Variants in ANKRD6 observed in about 807,000 individuals in gnomAD.
ANKRD6 encodes ankyrin repeat domain-containing protein 6.
Under a neutral mutation model 82.3 loss-of-function variants are expected in ANKRD6, and 56 were observed. That is an observed-to-expected ratio of 0.68 (90% CI 0.55 to 0.85). The LOEUF (loss-of-function observed/expected upper bound fraction) is 0.85, where lower values mean the gene tolerates loss of function less well. Ranked by LOEUF, ANKRD6 falls within the 40% of genes least tolerant of loss-of-function variation. The pLI, the probability that ANKRD6 is intolerant of heterozygous loss-of-function variation, is 0.00. For missense variants in ANKRD6, 852 were observed against 907.6 expected, an observed-to-expected ratio of 0.94 and a Z score of 0.79; for synonymous variants, 347 against 352.1, an observed-to-expected ratio of 0.99 and a Z score of 0.16.
At chr6:89,628,836 T>A (rs1425489724) in intron 14 of ANKRD6, 1 of 427,006 alleles carries the variant, frequency 2.3e-6, no homozygotes, top group Non-Finnish European at 4.3e-6. Flanking sequence ...GTGAGGATGG[T>A]ACCAAGCCAG....
chr6:89,447,073 G>A (rs1033154762), intron 1 of ANKRD6, among the ~76,000 whole-genome samples: 5 of 152,130 alleles, frequency 3.3e-5, no homozygotes, highest in Admixed American at 2.0e-4. Flanking sequence ...CACCAACGTA[G>A]TGAAATCCTG....
chr6:89,489,557 C>T (rs1437223141), intron 1 of ANKRD6, among the ~76,000 whole-genome samples: 1 of 152,196 alleles, frequency 6.6e-6, no homozygotes, highest in African/African-American at 2.4e-5. Flanking sequence ...TTTGCATCTT[C>T]TAAGTTTTTG....
intron 1 of ANKRD6, among the ~76,000 whole-genome samples, chr6:89,522,343 C>T (rs1169624900): frequency 6.6e-6 from 1 of 152,146 alleles, no homozygotes; most frequent in Non-Finnish European, 1.5e-5. Flanking sequence ...TTGTGAGATG[C>T]TTAAGGAGCT....
intron 2 of ANKRD6, among the ~76,000 whole-genome samples, chr6:89,570,660 T>G (rs904304228): frequency 5.3e-5 from 8 of 152,230 alleles, no homozygotes; most frequent in African/African-American, 1.9e-4. Context: ...ATTGTCCTTT[T>G]GTGACTAGCT....
intron 1 of ANKRD6, among the ~76,000 whole-genome samples, chr6:89,453,962 C>A (rs1012370737): frequency 4.0e-5 from 6 of 151,868 alleles, no homozygotes; most frequent in Admixed American, 1.3e-4. Flanking sequence ...CCACCACGCC[C>A]GGCTAACTTT....
intron 1 of ANKRD6, among the ~76,000 whole-genome samples, chr6:89,509,722 A>C (rs1172293333): frequency 2.6e-5 from 4 of 152,172 alleles, no homozygotes; most frequent in African/African-American, 9.7e-5. Context: ...TCGTCATTTA[A>C]TCTTCTAACA....
At chr6:89,464,237 G>T (rs1774553632) in intron 1 of ANKRD6, among the ~76,000 whole-genome samples, 1 of 151,802 alleles carries the variant, frequency 6.6e-6, no homozygotes, top group Admixed American at 6.6e-5. Context: ...TGCCTCCACT[G>T]GCAGGAACTT....
chr6:89,574,849 A>G (rs1372730933), intron 2 of ANKRD6, among the ~76,000 whole-genome samples: 3 of 152,198 alleles, frequency 2.0e-5, no homozygotes, highest in East Asian at 1.9e-4. Flanking sequence ...TTGAAGGCTC[A>G]CTGAAAAATC....
chr6:89,527,941 C>G (rs981153532), intron 1 of ANKRD6, among the ~76,000 whole-genome samples: 3 of 152,176 alleles, frequency 2.0e-5, no homozygotes, highest in African/African-American at 7.2e-5. Context: ...TCCAAAGTAT[C>G]TGGGACTGTA....
At chr6:89,601,291 T>C (rs974914843) in intron 3 of ANKRD6, among the ~76,000 whole-genome samples, 1 of 152,116 alleles carries the variant, frequency 6.6e-6, no homozygotes, top group African/African-American at 2.4e-5. Flanking sequence ...TTTAGGATGC[T>C]GAAGGGGGGA....
intron 2 of ANKRD6, among the ~76,000 whole-genome samples, chr6:89,590,083 G>C (rs1044084681): frequency 6.6e-6 from 1 of 152,180 alleles, no homozygotes; most frequent in Non-Finnish European, 1.5e-5. Flanking sequence ...AGTTGTATTG[G>C]GTTGTGGAAT....
intron 1 of ANKRD6, among the ~76,000 whole-genome samples, chr6:89,467,218 A>C (rs1002586727): frequency 4.6e-5 from 7 of 151,158 alleles, no homozygotes; most frequent in African/African-American, 1.7e-4. Flanking sequence ...AACTTTGTTA[A>C]ATTAAGGTTG....
chr6:89,623,202 T>TA (rs1188252613), intron 10 of ANKRD6, among the ~76,000 whole-genome samples: 1 of 152,082 alleles, frequency 6.6e-6, no homozygotes, highest in African/African-American at 2.4e-5. Flanking sequence ...ATAAATACAA[T>TA]AAAAGCCAAA....
chr6:89,608,891 T>C (rs1179896), intron 5 of ANKRD6, among the ~76,000 whole-genome samples: 30,673 of 152,076 alleles, frequency 0.2, 3,556 homozygotes, highest in African/African-American at 0.31. Flanking sequence ...AGCGACCTTC[T>C]CATAAAGCTC....
chr6:89,514,492 A>G lies in ANKRD6; in HGVS notation c.-143-52342A>G, dbSNP rs571800494. On this transcript the variant is annotated intron_variant, in intron 1 of 15. Coordinates refer to ENST00000339746, the MANE Select transcript of ANKRD6 (RefSeq NM_001242809.2). ...GCCCAAGACAATTCTACTTTTTCCA[A>G]TGTGGCCCAGTGAAGCCAAAAGATT... 2.0e-4 allele frequency among the ~76,000 whole-genome samples: 31 copies of G among 152,244 alleles called. 2 individuals are homozygous for G. The highest frequency in any genetic ancestry group is 7.2e-4 in the Admixed American group (11 of 15,298).
intron 1 of ANKRD6, among the ~76,000 whole-genome samples, chr6:89,473,270 G>C (rs929154105): frequency 3.3e-5 from 5 of 151,972 alleles, no homozygotes; most frequent in Admixed American, 2.0e-4. Context: ...AATTAGCCAG[G>C]CATGGCGGCG....
chr6:89,524,899 T>TA, intron 1 of ANKRD6, among the ~76,000 whole-genome samples: 1 of 152,134 alleles, frequency 6.6e-6, no homozygotes, highest in African/African-American at 2.4e-5. Context: ...TTTTTTTTTT[T>TA]AATTTTTAAA....
At chr6:89,453,794 T>G (rs1400307849) in intron 1 of ANKRD6, among the ~76,000 whole-genome samples, 2 of 150,908 alleles carry the variant, frequency 1.3e-5, no homozygotes, top group East Asian at 3.9e-4. Context: ...TATTTTATTT[T>G]ATTTTATTTT....
At chr6:89,568,953 C>G (rs1789164065) in intron 2 of ANKRD6, among the ~76,000 whole-genome samples, 1 of 143,596 alleles carries the variant, frequency 7.0e-6, no homozygotes, top group Admixed American at 7.0e-5. Flanking sequence ...TTTTTTTAGA[C>G]AGTGTGTCCG....
Sources: gnomAD v4.1 joint callset for allele counts (sites outside exome capture counted in the v4.1 genomes callset) on GRCh38, gnomAD v4.1.1 for gene constraint, MANE v1.5 for transcripts, NCBI Gene and HGNC (gene_info 2026-07-23, HGNC 2026-07-21) for gene names.